The following FHIT variants were observed in gnomAD, a reference collection of about 807,000 sequenced individuals.
FHIT encodes fragile histidine triad diadenosine triphosphatase.
A neutral mutation model predicts 17.9 loss-of-function variants in FHIT; 19 were observed. The ratio of observed to expected loss-of-function variants is 1.06; its 90% CI spans 0.74 to 1.56. FHIT has a LOEUF of 1.56. Among genes scored for constraint, FHIT ranks in the 40% most tolerant of loss-of-function variants. FHIT has a pLI of 0.00. For missense variants in FHIT, 248 were observed against 189.2 expected (o/e 1.31, Z -1.82); for synonymous variants, 81 against 69.7 (o/e 1.16, Z -0.81).
At chr3:60,579,685 C>T (rs2037691150) in intron 4 of FHIT, among the ~76,000 whole-genome samples, 1 of 152,034 alleles carries the variant, frequency 6.6e-6, no homozygotes. Flanking sequence ...ACTATTACTA[C>T]AGTTTGAGAT....
At chr3:60,734,437 C>T (rs1351953286) in intron 4 of FHIT, among the ~76,000 whole-genome samples, 2 of 152,134 alleles carry the variant, frequency 1.3e-5, no homozygotes, top group African/African-American at 4.8e-5. Flanking sequence ...TTGCTTTGTG[C>T]AGGAGTGCAG....
intron 7 of FHIT, among the ~76,000 whole-genome samples, chr3:59,990,167 C>T (rs754874544): frequency 9.9e-5 from 15 of 151,800 alleles, no homozygotes; most frequent in South Asian, 4.2e-4. Context: ...TATGTATTTT[C>T]GAAAAGTATC....
At chr3:61,014,641 G>A (rs531477200) in intron 3 of FHIT, among the ~76,000 whole-genome samples, 9 of 150,930 alleles carry the variant, frequency 6.0e-5, no homozygotes, top group South Asian at 2.1e-4. Flanking sequence ...TTAGCCAGGC[G>A]TGGTGGTGGG....
intron 5 of FHIT, among the ~76,000 whole-genome samples, chr3:60,416,838 G>A (rs1208597402): frequency 6.6e-6 from 1 of 152,136 alleles, no homozygotes; most frequent in Non-Finnish European, 1.5e-5. Context: ...TGTAATCCCA[G>A]CACTTTGGGA....
At chr3:60,705,042 G>T in intron 4 of FHIT, among the ~76,000 whole-genome samples, 1 of 148,012 alleles carries the variant, frequency 6.8e-6, no homozygotes, top group Non-Finnish European at 1.5e-5. Flanking sequence ...TAAGTCCACT[G>T]TGGAATTAAA....
At chr3:60,131,703 A>G (rs1331503073) in intron 5 of FHIT, among the ~76,000 whole-genome samples, 2 of 152,050 alleles carry the variant, frequency 1.3e-5, no homozygotes, top group Non-Finnish European at 2.9e-5. Flanking sequence ...ACTCATCAGT[A>G]TCCCCTACTG....
intron 4 of FHIT, among the ~76,000 whole-genome samples, chr3:60,672,100 A>G (rs2040519307): frequency 6.6e-6 from 1 of 152,196 alleles, no homozygotes; most frequent in Admixed American, 6.5e-5. Flanking sequence ...TATTTCTATA[A>G]CATATATTTG....
chr3:60,635,014 G>A (rs1321400694), intron 4 of FHIT, among the ~76,000 whole-genome samples: 1 of 152,172 alleles, frequency 6.6e-6, no homozygotes, highest in Non-Finnish European at 1.5e-5. Context: ...TAGAGCTACT[G>A]CATGCCCCAC....
chr3:60,504,163 G>A (rs2034631718), intron 5 of FHIT, among the ~76,000 whole-genome samples: 1 of 152,168 alleles, frequency 6.6e-6, no homozygotes, highest in South Asian at 2.1e-4. Flanking sequence ...TGGCCGGGCA[G>A]CGTGCCTCAC....
intron 3 of FHIT, among the ~76,000 whole-genome samples, chr3:61,005,356 A>T (rs2031372259): frequency 6.6e-6 from 1 of 152,134 alleles, no homozygotes; most frequent in African/African-American, 2.4e-5. Flanking sequence ...GCCACAGAAG[A>T]GATAGTCAGT....
intron 5 of FHIT, among the ~76,000 whole-genome samples, chr3:60,257,866 G>A (rs771232657): frequency 7.2e-5 from 11 of 151,976 alleles, no homozygotes; most frequent in African/African-American, 2.2e-4. Flanking sequence ...GACACATGGC[G>A]GGAACAAAAC....
chr3:60,620,447 A>G (rs1015983403), intron 4 of FHIT, among the ~76,000 whole-genome samples: 1 of 152,210 alleles, frequency 6.6e-6, no homozygotes, highest in African/African-American at 2.4e-5. Flanking sequence ...TACGCAGACC[A>G]TTATTCAGCC....
chr3:60,578,447 A>ACACACACG (rs2037644719), intron 4 of FHIT, among the ~76,000 whole-genome samples: 1 of 148,486 alleles, frequency 6.7e-6, no homozygotes, highest in African/African-American at 2.5e-5. Context: ...CAAAACACAC[A>ACACACACG]CACACACACA....
At position 60,449,999 on chromosome 3, in the gene FHIT, CAAAAAAA is replaced by C. The variant is rs35302096; in HGVS notation, c.103+86854_103+86860del. ...GCCTGGCGACAGAGCTAGACTCTGT[CAAAAAAA>C]AAAAAAAAAAAAAAAAGGCATAAAA... On this transcript the variant is annotated intron_variant, in intron 5 of 9. Coordinates refer to ENST00000492590, the MANE Select transcript of FHIT (RefSeq NM_002012.4). Among the ~76,000 whole-genome samples, 5 of 65,072 alleles carry C rather than the reference CAAAAAAA, an allele frequency of 7.7e-5. No homozygotes were observed. In the South Asian group the frequency reaches 2.3e-3, roughly 30 times the overall value. The allele number at this position is 65,072 out of a possible 152,430, so 42.7% of individuals were successfully genotyped here. A position where few individuals can be genotyped will look rare whatever the true frequency, so the allele number is the denominator to read the frequency against.
chr3:59,895,883 C>T (rs1049592534), intron 8 of FHIT, among the ~76,000 whole-genome samples: 2 of 151,764 alleles, frequency 1.3e-5, no homozygotes, highest in Admixed American at 6.6e-5. Flanking sequence ...ACAATCATAG[C>T]GGTCATCTTC....
At chr3:59,750,927 T>TTTTA (rs1559568661) in intron 9 of FHIT, 1 of 191,932 alleles carries the variant, frequency 5.2e-6, no homozygotes, top group East Asian at 8.3e-5. Flanking sequence ...TAATTTTGTT[T>TTTTA]TTTATTTGTG....
rs145940434 is a variant in FHIT, at chr3:60,815,474, C to T, written c.-18+6445G>A. On this transcript the variant is annotated intron_variant, in intron 4 of 9. Transcript: ENST00000492590. Reference sequence around the variant, plus strand: ...GTATATGGCTAGCCAGTTATCCCAGCGCCATTTATTAAATAAGGAAACCTT... The same window carrying T: ...GTATATGGCTAGCCAGTTATCCCAGTGCCATTTATTAAATAAGGAAACCTT... Among the ~76,000 whole-genome samples, 250 of 152,200 alleles carry T rather than the reference C, an allele frequency of 1.6e-3. 2 individuals carry two copies. Among genetic ancestry groups the T allele is most frequent in the African/African-American group, 5.6e-3 (234 of 41,516 alleles).
rs76211932 is a variant in FHIT at position 60,625,784 on chromosome 3, T to C, written c.-17-88805A>G. On this transcript the variant is annotated intron_variant, in intron 4 of 9. Coordinates refer to ENST00000492590, the MANE Select transcript of FHIT (RefSeq NM_002012.4). ...GTTGCTTGTGTTGTCTTTTTCCATA[T>C]GTTGTTAAGACATCATATCTAAAAT... 5.1e-4 allele frequency among the ~76,000 whole-genome samples: 77 copies of C among 152,290 alleles called. No homozygotes were observed. In the East Asian group the frequency reaches 0.014, roughly 27 times the overall value.
intron 3 of FHIT, among the ~76,000 whole-genome samples, chr3:61,023,191 C>T (rs2032546791): frequency 6.6e-6 from 1 of 152,170 alleles, no homozygotes; most frequent in Non-Finnish European, 1.5e-5. Flanking sequence ...CATTCCTACA[C>T]ACCAATAATA....
Sources: allele counts gnomAD v4.1 joint callset (sites outside exome capture counted in the v4.1 genomes callset), GRCh38; gene constraint gnomAD v4.1.1; transcripts MANE v1.5; gene names NCBI Gene and HGNC (gene_info 2026-07-23, HGNC 2026-07-21).